SPAG16: variants seen among roughly 807,000 people sequenced by gnomAD.
SPAG16 encodes sperm-associated antigen 16 protein.
A neutral mutation model predicts 80.4 loss-of-function variants in SPAG16; 86 were observed. That is an observed-to-expected ratio of 1.07 (90% CI 0.90 to 1.28). SPAG16 has a LOEUF of 1.28. Among genes scored for constraint, SPAG16 ranks in the 50% most tolerant of loss-of-function variants. The pLI is 0.00. For synonymous variants in SPAG16, 294 were observed against 265.9 expected (o/e 1.11, Z -1.03); for missense variants, 870 against 765.3 (o/e 1.14, Z -1.61).
intron 15 of SPAG16, among the ~76,000 whole-genome samples, chr2:214,245,393 G>A (rs1269330125): frequency 6.6e-6 from 1 of 151,928 alleles, no homozygotes; most frequent in Admixed American, 6.6e-5. Context: ...CTTTTGTAGG[G>A]CCTAAGTCCT....
At chr2:213,726,179 T>C (rs1459874026) in intron 10 of SPAG16, among the ~76,000 whole-genome samples, 2 of 152,198 alleles carry the variant, frequency 1.3e-5, no homozygotes, top group African/African-American at 4.8e-5. Context: ...GCATTAAAAC[T>C]TTCCAGGAGC....
At chr2:213,752,567 A>G (rs768709589) in intron 10 of SPAG16, among the ~76,000 whole-genome samples, 1 of 152,194 alleles carries the variant, frequency 6.6e-6, no homozygotes, top group Non-Finnish European at 1.5e-5. Flanking sequence ...TCATGATTTT[A>G]TCTTTTCTCA....
chr2:213,572,030 C>T (rs1479867154), intron 10 of SPAG16, among the ~76,000 whole-genome samples: 5 of 121,800 alleles, frequency 4.1e-5, no homozygotes, highest in East Asian at 2.3e-4. Context: ...TTGATCACAT[C>T]GGCTCCTGAG....
intron 5 of SPAG16, among the ~76,000 whole-genome samples, chr2:213,338,318 A>G (rs1023105464): frequency 2.6e-5 from 4 of 152,214 alleles, no homozygotes; most frequent in Non-Finnish European, 4.4e-5. Context: ...CAAGTCTACA[A>G]AATAACCAGC....
At chr2:213,572,661 TA>T (rs1434001735) in intron 10 of SPAG16, among the ~76,000 whole-genome samples, 4 of 152,202 alleles carry the variant, frequency 2.6e-5, no homozygotes, top group African/African-American at 9.6e-5. Flanking sequence ...CAGGGACACT[TA>T]AGTCTGCAGA....
In SPAG16 at chr2:213,816,864, G is replaced by A. The variant is rs531461450; in HGVS notation, c.1071-45621G>A. Reference sequence around the variant, plus strand: ...GAATGTAGTTGTCAGTATTCCACCTGTGAAGCCCAATATTACTGTAATAAA... The same window carrying A: ...GAATGTAGTTGTCAGTATTCCACCTATGAAGCCCAATATTACTGTAATAAA... On this transcript the variant is annotated intron_variant, in intron 10 of 15. Coordinates refer to ENST00000331683, the MANE Select transcript of SPAG16 (RefSeq NM_024532.5). Among the ~76,000 whole-genome samples, 4 of 152,038 alleles carry A rather than the reference G, an allele frequency of 2.6e-5. No homozygotes were observed. In the South Asian group the frequency reaches 8.3e-4, roughly 32 times the overall value.
intron 9 of SPAG16, among the ~76,000 whole-genome samples, chr2:213,415,023 A>ATCAATTCAAGT (rs2069173492): frequency 6.6e-6 from 1 of 152,236 alleles, no homozygotes. Flanking sequence ...AATATGGGAA[A>ATCAATTCAAGT]ACCGCCCCCA....
At chr2:213,538,659 A>T (rs2076327592) in intron 10 of SPAG16, among the ~76,000 whole-genome samples, 1 of 152,096 alleles carries the variant, frequency 6.6e-6, no homozygotes, top group African/African-American at 2.4e-5. Flanking sequence ...TCCCTATCTT[A>T]TCTTTTTTTC....
At chr2:214,184,975 G>T (rs1250340116) in intron 15 of SPAG16, among the ~76,000 whole-genome samples, 1 of 151,636 alleles carries the variant, frequency 6.6e-6, no homozygotes, top group Non-Finnish European at 1.5e-5. Flanking sequence ...ATATTCTATG[G>T]ATATAAAAAT....
In SPAG16 at chr2:214,259,405, TTA is replaced by T. The variant is rs1414739870; in HGVS notation, c.1720+110145_1720+110146del. On this transcript the variant is annotated intron_variant, in intron 15 of 15. Transcript: ENST00000331683. ...CATAGTGTATATCTACACTATATAA[TTA>T]TATATGTATATATGTGTGTGTATAT... Among the ~76,000 whole-genome samples the T allele has an allele frequency of 3.3e-5, 5 of 149,682 alleles. No homozygotes were observed. The East Asian group carries it at 7.8e-4, about 23-fold the overall frequency.
chr2:214,341,957 A>G (rs965092075), intron 15 of SPAG16, among the ~76,000 whole-genome samples: 1 of 152,160 alleles, frequency 6.6e-6, no homozygotes, highest in African/African-American at 2.4e-5. Flanking sequence ...CACCGTTAAC[A>G]GAAGACTACA....
At chr2:213,573,847 A>G (rs1436024808) in intron 10 of SPAG16, among the ~76,000 whole-genome samples, 1 of 152,232 alleles carries the variant, frequency 6.6e-6, no homozygotes, top group Non-Finnish European at 1.5e-5. Flanking sequence ...GATGATATTT[A>G]TGAAATACAT....
At chr2:213,421,378 A>T (rs2125438254) in intron 9 of SPAG16, among the ~76,000 whole-genome samples, 1 of 152,316 alleles carries the variant, frequency 6.6e-6, no homozygotes, top group Middle Eastern at 3.4e-3. Flanking sequence ...CACAAGAGAG[A>T]GGCCAAAGGG....
intron 11 of SPAG16, among the ~76,000 whole-genome samples, chr2:213,911,489 A>C (rs2077663257): frequency 6.6e-6 from 1 of 152,210 alleles, no homozygotes; most frequent in Admixed American, 6.5e-5. Context: ...TAAAGTCTGA[A>C]AAATGCCAAG....
chr2:213,716,535 T>C (rs2066246647), intron 10 of SPAG16, among the ~76,000 whole-genome samples: 1 of 152,180 alleles, frequency 6.6e-6, no homozygotes. Context: ...AGGAAGCTAT[T>C]GTCTTAAACT....
rs1263173333 is a variant in SPAG16, at chr2:214,259,925, A to T, written c.1720+110659A>T. Among the ~76,000 whole-genome samples the T allele has an allele frequency of 2.0e-5, 3 of 152,172 alleles. No homozygotes were observed. The East Asian group carries it at 5.8e-4, about 29-fold the overall frequency. On this transcript the variant is annotated intron_variant, in intron 15 of 15. Coordinates refer to ENST00000331683, the MANE Select transcript of SPAG16 (RefSeq NM_024532.5). The stretch of plus-strand genomic sequence containing the variant: ...TCCATTATGAAAGCTCAGGGACATT[A>T]AAGTGGTTCTCAAATCCCTTTGTTA...
chr2:214,031,339 C>CA (rs2048398181), intron 13 of SPAG16, among the ~76,000 whole-genome samples: 1 of 144,754 alleles, frequency 6.9e-6, no homozygotes, highest in Non-Finnish European at 1.5e-5. Flanking sequence ...ATCGCAAGGA[C>CA]AAAAAACCAA....
At chr2:214,302,558 A>G (rs934613619) in intron 15 of SPAG16, among the ~76,000 whole-genome samples, 4 of 151,968 alleles carry the variant, frequency 2.6e-5, no homozygotes, top group Non-Finnish European at 5.9e-5. Context: ...TCAGCTCACT[A>G]CAACCTCTGC....
At chr2:213,940,423 A>G (rs2079150353) in intron 12 of SPAG16, among the ~76,000 whole-genome samples, 1 of 152,162 alleles carries the variant, frequency 6.6e-6, no homozygotes, top group Admixed American at 6.6e-5. Context: ...AGTAGCTGAG[A>G]GTACAGGCAG....
Sources: gnomAD v4.1 joint callset for allele counts (sites outside exome capture counted in the v4.1 genomes callset) on GRCh38, gnomAD v4.1.1 for gene constraint, MANE v1.5 for transcripts, NCBI Gene and HGNC (gene_info 2026-07-23, HGNC 2026-07-21) for gene names.